The following PIK3CA variants were observed in gnomAD, a reference collection of about 807,000 sequenced individuals.
PIK3CA encodes the protein phosphatidylinositol 4,5-bisphosphate 3-kinase catalytic subunit alpha isoform.
In PIK3CA, 27 loss-of-function variants were observed where a neutral mutation model predicts 138.2. The ratio of observed to expected loss-of-function variants is 0.20; its 90% CI spans 0.14 to 0.27. The LOEUF is 0.27. PIK3CA is among the 10% of genes least tolerant of loss of function. PIK3CA has a pLI of 1.00. For missense variants in PIK3CA, 544 were observed against 1,277.4 expected (o/e 0.43, Z 8.75); for synonymous variants, 358 against 413.2 (o/e 0.87, Z 1.62).
chr3:179,170,294 CAT>C (rs1173371363), intron 1 of PIK3CA, among the ~76,000 whole-genome samples: 4 of 152,216 alleles, frequency 2.6e-5, no homozygotes, highest in Admixed American at 2.0e-4. Flanking sequence ...AAGGAGAAGA[CAT>C]ATTCGCAAAT....
rs573452569 is a variant in PIK3CA, at chr3:179,157,794, A to G, written c.-77+9191A>G. 2.6e-5 allele frequency among the ~76,000 whole-genome samples: 4 copies of G among 152,100 alleles called. No individual in the cohort carries two copies. In the South Asian group the frequency reaches 6.2e-4, roughly 24 times the overall value. ...AATATATCTCATAATGATTAAGAGCATGTTCTCTAGAGTCAGACTATCGAG... is the reference window on the plus strand; with the variant it reads ...AATATATCTCATAATGATTAAGAGCGTGTTCTCTAGAGTCAGACTATCGAG... On this transcript the variant is annotated intron_variant, in intron 1 of 20. Transcript: ENST00000263967.
intron 20 of PIK3CA, among the ~76,000 whole-genome samples, chr3:179,231,533 C>T (rs1263853970): frequency 6.8e-6 from 1 of 146,238 alleles, no homozygotes; most frequent in Non-Finnish European, 1.5e-5. Context: ...TTTTAATTTG[C>T]ATTTCCCTGA....
chr3:179,149,399 GTTTA>G (rs986438657), intron 1 of PIK3CA: 1 of 152,112 alleles, frequency 6.6e-6, no homozygotes, highest in African/African-American at 2.4e-5. Flanking sequence ...GGCTCGAGGG[GTTTA>G]TTTTAGGATG....
At chr3:179,207,626 A>G (rs1724599759) in intron 6 of PIK3CA, among the ~76,000 whole-genome samples, 1 of 150,952 alleles carries the variant, frequency 6.6e-6, no homozygotes, top group African/African-American at 2.4e-5. Flanking sequence ...ACTCACTGCA[A>G]CCTCTGCCTC....
chr3:179,209,969 T>TCAAG (rs1724666330), intron 7 of PIK3CA, among the ~76,000 whole-genome samples: 1 of 152,164 alleles, frequency 6.6e-6, no homozygotes, highest in Non-Finnish European at 1.5e-5. Context: ...ATCTCATGCT[T>TCAAG]GCTTTGGTTC....
intron 1 of PIK3CA, among the ~76,000 whole-genome samples, chr3:179,167,862 A>G (rs529019493): frequency 2.6e-5 from 4 of 152,186 alleles, no homozygotes; most frequent in Non-Finnish European, 1.5e-5. Flanking sequence ...GTTTTCCCCT[A>G]AAGTTTCCAA....
In PIK3CA at chr3:179,234,453, T is replaced by G; in HGVS notation, c.*89T>G. On this transcript the variant is annotated 3_prime_UTR_variant, in exon 21 of 21. Transcript: ENST00000263967. This position sits in a 1 kb window ranked among gnomAD's most constrained non-coding sequence, Gnocchi z 5.1. Reference sequence around the variant, plus strand: ...CAGGCAAAGACCGATTGCATAGGAATTGCACAATCCATGAACAGCATTAGA... The same window carrying G: ...CAGGCAAAGACCGATTGCATAGGAAGTGCACAATCCATGAACAGCATTAGA... 3 of 1,038,238 alleles carry G rather than the reference T, an allele frequency of 2.9e-6. No homozygotes were observed. The highest frequency in any genetic ancestry group is 2.8e-6 in the Non-Finnish European group (2 of 710,308). The allele number at this position is 1,038,238 out of a possible 1,614,324, so 64.3% of individuals were successfully genotyped here. A position where few individuals can be genotyped will look rare whatever the true frequency, so the allele number is the denominator to read the frequency against.
intron 9 of PIK3CA, among the ~76,000 whole-genome samples, chr3:179,216,153 C>T (rs894926748): frequency 3.3e-5 from 5 of 152,138 alleles, no homozygotes; most frequent in African/African-American, 1.2e-4. Context: ...GATGACAACA[C>T]CTAAACTGTC....
At chr3:179,203,863 A>G (rs1724487639) in intron 5 of PIK3CA, 74 bp downstream of exon 5, 8 of 1,046,802 alleles carry the variant, frequency 7.6e-6, no homozygotes, top group Non-Finnish European at 1.1e-5. Context: ...CTATACAGTA[A>G]TCTGTTGACC....
intron 1 of PIK3CA, among the ~76,000 whole-genome samples, chr3:179,185,429 AG>A (rs1222745481): frequency 2.0e-5 from 3 of 152,352 alleles, no homozygotes; most frequent in Non-Finnish European, 4.4e-5. Flanking sequence ...GTCGCCAAGA[AG>A]TATATGGGGA....
chr3:179,153,478 A>G (rs141863092), intron 1 of PIK3CA, among the ~76,000 whole-genome samples: 1,657 of 152,308 alleles, frequency 0.011, 39 homozygotes, highest in African/African-American at 0.038. Flanking sequence ...TCAAAGGTAC[A>G]CAAACTTTGT....
At chr3:179,151,894 A>G (rs1030816910) in intron 1 of PIK3CA, among the ~76,000 whole-genome samples, 3 of 152,194 alleles carry the variant, frequency 2.0e-5, no homozygotes, top group Non-Finnish European at 4.4e-5. Context: ...TCCCACTGTC[A>G]TAGCATTAAC....
rs199892244 is a variant in PIK3CA at position 179,198,958 on chromosome 3, A to G, written c.133A>G (p.Ile45Val). 6.2e-6 allele frequency: 10 copies of G among 1,613,188 alleles called. No individual in the cohort carries two copies. The highest frequency in any genetic ancestry group is 2.2e-5 in the East Asian group (1 of 44,862). ...CCTCCGTGAGGCTACATTAATAACCATAAAGCATGAACTATTTAAAGAAGC... is the reference window on the plus strand; with the variant it reads ...CCTCCGTGAGGCTACATTAATAACCGTAAAGCATGAACTATTTAAAGAAGC... ...ECLREATLIT[I>V]KHELFKEARK... The change falls in exon 2 of 21, where the codon ATA (isoleucine) becomes GTA (valine). Residue 45 changes from isoleucine to valine, a missense_variant. By Grantham distance (29) the Ile-to-Val change is conservative. Transcript: ENST00000263967.
rs372827327 is a variant in PIK3CA at position 179,152,541 on chromosome 3, T to G, written c.-77+3938T>G. Among the ~76,000 whole-genome samples, 36 of 152,314 alleles carry G rather than the reference T, an allele frequency of 2.4e-4. No homozygotes were observed. In the South Asian group the frequency reaches 6.0e-3, roughly 25 times the overall value. ...ATTACTTTGGACAGATTTTCTTATC[T>G]GTAATGGGGGTGATTACTATTCAAC... On this transcript the variant is annotated intron_variant, in intron 1 of 20. Transcript: ENST00000263967.
At position 179,154,568 on chromosome 3, in the gene PIK3CA, G is replaced by A. The variant is rs140644042; in HGVS notation, c.-77+5965G>A. On this transcript the variant is annotated intron_variant, in intron 1 of 20. Transcript: ENST00000263967. ...GGCCTAAGGGACTAAATTCCCCTTC[G>A]GACTGCTACTTTGTATATGTATATG... Among the ~76,000 whole-genome samples the A allele has an allele frequency of 3.3e-5, 5 of 151,656 alleles. No individual in the cohort carries two copies. In the East Asian group the frequency reaches 5.8e-4, roughly 18 times the overall value.
rs1725309331 is a variant in PIK3CA, at chr3:179,235,181, G to GTACAGTA, written c.*819_*825dup. 16 of 184,770 alleles carry GTACAGTA rather than the reference G, an allele frequency of 8.7e-5. 1 individual carries two copies. In the South Asian group the frequency reaches 3.0e-3, roughly 34 times the overall value. 11.4% of individuals were successfully genotyped at this position (184,770 alleles called of 1,614,324 possible). ...CAGGAATAGTTCTTATTCCAGAATTGTACAGTATTCACCTTAAGTTGATTT... is the reference window on the plus strand; with the variant it reads ...CAGGAATAGTTCTTATTCCAGAATTGTACAGTATACAGTATTCACCTTAAGTTGATTT... On this transcript the variant is annotated 3_prime_UTR_variant, in exon 21 of 21. Transcript: ENST00000263967.
At chr3:179,198,691 T>C (rs1028251543) in intron 1 of PIK3CA, 59 bp from the exon 2 acceptor site, 1 of 518,464 alleles carries the variant, frequency 1.9e-6, no homozygotes. Context: ...AGCAGTGTTA[T>C]AAATGTATTC....
intron 17 of PIK3CA, among the ~76,000 whole-genome samples, chr3:179,227,215 A>G (rs1396894811): frequency 6.6e-6 from 1 of 152,102 alleles, no homozygotes; most frequent in African/African-American, 2.4e-5. Flanking sequence ...GTTTAACTTT[A>G]GATTAAAATT....
At chr3:179,188,735 TG>T (rs374638340) in intron 1 of PIK3CA, among the ~76,000 whole-genome samples, 36 of 152,310 alleles carry the variant, frequency 2.4e-4, no homozygotes, top group African/African-American at 8.2e-4. Flanking sequence ...TTTATCACTG[TG>T]GAATCATTTG....
Sources: gnomAD v4.1 joint callset for allele counts (sites outside exome capture counted in the v4.1 genomes callset) on GRCh38, gnomAD v4.1.1 for gene constraint, Gnocchi (gnomAD v3.1) non-coding constraint, MANE v1.5 for transcripts, NCBI Gene and HGNC (gene_info 2026-07-23, HGNC 2026-07-21) for gene names.